AHRR: variants seen among roughly 807,000 people sequenced by gnomAD.
AHRR encodes aryl hydrocarbon receptor repressor.
In AHRR, 28 loss-of-function variants were observed where a neutral mutation model predicts 44.0. The observed-to-expected ratio is 0.64, with a 90% CI of 0.47 to 0.87. The LOEUF is 0.87. Among genes scored for constraint, AHRR ranks in the 40% least tolerant of loss-of-function variants. The probability of loss-of-function intolerance (pLI) is 0.00; values close to 1 mark genes in which losing one functional copy is unlikely to be tolerated. For synonymous variants in AHRR, 434 were observed against 407.0 expected, an observed-to-expected ratio of 1.07 and a Z score of -0.80; for missense variants, 990 against 953.9, an observed-to-expected ratio of 1.04 and a Z score of -0.50.
chr5:417,297 T>TG (rs1478052577), intron 5 of AHRR, among the ~76,000 whole-genome samples: 1 of 150,614 alleles, frequency 6.6e-6, no homozygotes, highest in African/African-American at 2.5e-5. Context: ...GGTCCATATG[T>TG]GCAGGTCCCG....
At chr5:392,429 G>A (rs2126476226) in intron 4 of AHRR, among the ~76,000 whole-genome samples, 1 of 143,562 alleles carries the variant, frequency 7.0e-6, no homozygotes, top group Middle Eastern at 4.1e-3. Context: ...GAACACACGG[G>A]TGCAGGGCGA....
rs1469148367 is a variant in AHRR at position 395,805 on chromosome 5, C to T, written c.352-17539C>T. Among the ~76,000 whole-genome samples, 3 of 152,188 alleles carry T rather than the reference C, an allele frequency of 2.0e-5. No homozygotes were observed. Among genetic ancestry groups the T allele is most frequent in the Admixed American group, 6.5e-5 (1 of 15,280 alleles). On this transcript the variant is annotated intron_variant, in intron 4 of 10. Coordinates refer to ENST00000684583, the MANE Select transcript of AHRR (RefSeq NM_001377236.1). The surrounding 1 kb of genome is among the most constrained non-coding windows in gnomAD (Gnocchi z 5.3). ...GCCCTCCCAGCTGGGGCTGCGCACA[C>T]GTTCCTGTGAGGGACCCTTTGGGAG... is the stretch of plus-strand genomic sequence containing the variant.
At position 435,338 on chromosome 5, in the gene AHRR, G is replaced by C. The variant is rs544311492; in HGVS notation, c.*504G>C. 8.8e-5 allele frequency: 15 copies of C among 170,286 alleles called. No homozygotes were observed. The highest frequency in any genetic ancestry group is 4.0e-4 in the Admixed American group (7 of 17,632). 10.5% of individuals were successfully genotyped at this position (170,286 alleles called of 1,614,324 possible). A position where few individuals can be genotyped will look rare whatever the true frequency, so the allele number is the denominator to read the frequency against. On this transcript the variant is annotated 3_prime_UTR_variant, in exon 11 of 11. Transcript: ENST00000684583. ...GCTCCCAGCCTGTGCTGTGCAGGCAGGGTCAGCCCATCGCCACAGTGCACT... is the reference window on the plus strand; with the variant it reads ...GCTCCCAGCCTGTGCTGTGCAGGCACGGTCAGCCCATCGCCACAGTGCACT...
chr5:354,024 A>T (rs548081866), intron 3 of AHRR, 113 bp downstream of exon 3: 8 of 1,146,664 alleles, frequency 7.0e-6, no homozygotes, highest in Middle Eastern at 2.8e-4. Flanking sequence ...CACCATGTGC[A>T]CTCCCTTCTT....
chr5:341,433 T>C (rs1475583400), intron 1 of AHRR, among the ~76,000 whole-genome samples: 1 of 152,188 alleles, frequency 6.6e-6, no homozygotes, highest in Non-Finnish European at 1.5e-5. Context: ...TAGAAGTTTA[T>C]CAGTTTTGTT....
intron 1 of AHRR, among the ~76,000 whole-genome samples, chr5:334,263 T>C (rs1348059509): frequency 6.6e-6 from 1 of 152,190 alleles, no homozygotes; most frequent in Non-Finnish European, 1.5e-5. Flanking sequence ...GATCTCTTGC[T>C]AAACTTGGCA....
In AHRR at chr5:434,442, A is replaced by T; in HGVS notation, c.1702A>T (p.Thr568Ser). Residue 568 changes from threonine (T) to serine (S), a missense_variant, in exon 11 of 11, where the codon ACC becomes TCC. Thr to Ser is a moderately conservative substitution (Grantham distance 58, BLOSUM62 1). Coordinates refer to ENST00000684583, the MANE Select transcript of AHRR (RefSeq NM_001377236.1). ...CAGGAGCCACCCAGCCACCTTCCCT[A>T]CCAGGATGCACCTGAAAACAGAGCC... ...SDRSHPATFPTRMHLKTEPDS... is the reference protein window; with the variant it reads ...SDRSHPATFPSRMHLKTEPDS... 1 of 1,613,414 alleles carries T rather than the reference A, an allele frequency of 6.2e-7. No individual in the cohort carries two copies. The highest frequency in any genetic ancestry group is 8.5e-7 in the Non-Finnish European group (1 of 1,179,984).
chr5:430,376 A>C (rs1451644654), intron 8 of AHRR, among the ~76,000 whole-genome samples: 1 of 152,208 alleles, frequency 6.6e-6, no homozygotes, highest in Non-Finnish European at 1.5e-5. Context: ...AGGACCCGCC[A>C]CTGAGCCCCC....
At chr5:433,727 G>A (rs55772732) in intron 10 of AHRR, 126 bp from the exon 11 acceptor site, 5 of 1,128,046 alleles carry the variant, frequency 4.4e-6, no homozygotes, top group Admixed American at 7.4e-5. Flanking sequence ...GTGAGGGGTC[G>A]GTGTAGCAGC....
rs1376802526 is a variant in AHRR at position 395,831 on chromosome 5, A to G, written c.352-17513A>G. Among the ~76,000 whole-genome samples, 8 of 152,160 alleles carry G rather than the reference A, an allele frequency of 5.3e-5. No individual in the cohort carries two copies. The East Asian group carries it at 1.6e-3, about 29-fold the overall frequency. On this transcript the variant is annotated intron_variant, in intron 4 of 10. Transcript: ENST00000684583. The surrounding 1 kb of genome is among the most constrained non-coding windows in gnomAD (Gnocchi z 5.3). The stretch of plus-strand genomic sequence containing the variant: ...GTTCCTGTGAGGGACCCTTTGGGAG[A>G]GGATTGAGTGAGGGGAACAGGAGGT...
At chr5:369,117 C>T (rs1448749791) in intron 3 of AHRR, among the ~76,000 whole-genome samples, 1 of 152,218 alleles carries the variant, frequency 6.6e-6, no homozygotes, top group African/African-American at 2.4e-5. Flanking sequence ...TGGAAGCACA[C>T]TCGCCCATCC....
In AHRR at chr5:376,719, G is replaced by A. The variant is rs1260631011; in HGVS notation, c.351+3G>A. On this transcript the variant is annotated splice_donor_region_variant and intron_variant, in intron 4 of 10. Coordinates refer to ENST00000684583, the MANE Select transcript of AHRR (RefSeq NM_001377236.1). ...TGGAGGGAAGGCTGCTGTTGGAGGTGAGTGCCACCCTTGGTACCTCGAACA... is the reference window on the plus strand; with the variant it reads ...TGGAGGGAAGGCTGCTGTTGGAGGTAAGTGCCACCCTTGGTACCTCGAACA... 1.2e-6 allele frequency: 2 copies of A among 1,603,476 alleles called. No homozygotes were observed. Among genetic ancestry groups the A allele is most frequent in the East Asian group, 2.2e-5 (1 of 44,572 alleles).
chr5:402,034 G>A (rs941250232), intron 4 of AHRR, among the ~76,000 whole-genome samples: 1 of 152,148 alleles, frequency 6.6e-6, no homozygotes. Context: ...ATGGGAGGAC[G>A]CATTTGCCAA....
intron 3 of AHRR, among the ~76,000 whole-genome samples, chr5:373,435 C>T (rs1743646976): frequency 6.6e-6 from 1 of 152,212 alleles, no homozygotes; most frequent in South Asian, 2.1e-4. Flanking sequence ...GCACAGAGCT[C>T]CTCCCGCCCT....
At chr5:373,425 G>T (rs578138408) in intron 3 of AHRR, among the ~76,000 whole-genome samples, 1 of 152,216 alleles carries the variant, frequency 6.6e-6, no homozygotes, top group Admixed American at 6.5e-5. Context: ...GGTCTTGGAG[G>T]CACAGAGCTC....
chr5:410,848 GTTC>G (rs1301562048), intron 4 of AHRR, among the ~76,000 whole-genome samples: 1 of 152,108 alleles, frequency 6.6e-6, no homozygotes, highest in Non-Finnish European at 1.5e-5. Context: ...AGATTTTCTA[GTTC>G]TTCTTATATC....
chr5:382,192 G>A (rs547223023), intron 4 of AHRR, among the ~76,000 whole-genome samples: 1 of 152,184 alleles, frequency 6.6e-6, no homozygotes, highest in Non-Finnish European at 1.5e-5. Context: ...AAAATTAATT[G>A]AGGGTATTCC....
chr5:339,367 C>T lies in AHRR; in HGVS notation c.-10-4526C>T, dbSNP rs567134863. On this transcript the variant is annotated intron_variant, in intron 1 of 10. Coordinates refer to ENST00000684583, the MANE Select transcript of AHRR (RefSeq NM_001377236.1). ...AACTCCTGGGCTCAAGTGATTCTCCCACCTTGGCCTCCCAAAGTGCTGGGA... is the reference window on the plus strand; with the variant it reads ...AACTCCTGGGCTCAAGTGATTCTCCTACCTTGGCCTCCCAAAGTGCTGGGA... Among the ~76,000 whole-genome samples the T allele has an allele frequency of 3.2e-3, 483 of 152,334 alleles. 2 individuals carry two copies. Among genetic ancestry groups the T allele is most frequent in the Non-Finnish European group, 5.6e-3 (381 of 68,030 alleles).
chr5:384,526 C>T (rs906356068), intron 4 of AHRR, among the ~76,000 whole-genome samples: 6 of 152,048 alleles, frequency 3.9e-5, no homozygotes, highest in Non-Finnish European at 8.8e-5. Flanking sequence ...TGGGTTCAAG[C>T]GATTCTCCTG....
Sources: gnomAD v4.1 joint callset for allele counts (sites outside exome capture counted in the v4.1 genomes callset) on GRCh38, gnomAD v4.1.1 for gene constraint, Gnocchi (gnomAD v3.1) non-coding constraint, MANE v1.5 for transcripts, NCBI Gene and HGNC (gene_info 2026-07-23, HGNC 2026-07-21) for gene names.